The following SAMD10 variants were observed in gnomAD, a reference collection of about 807,000 sequenced individuals.
SAMD10 encodes sterile alpha motif domain containing 10.
Under a neutral mutation model 22.5 loss-of-function variants are expected in SAMD10, and 16 were observed. The ratio of observed to expected loss-of-function variants is 0.71; its 90% CI spans 0.48 to 1.08. The LOEUF (loss-of-function observed/expected upper bound fraction) is 1.08, where lower values mean the gene tolerates loss of function less well. Among genes scored for constraint, SAMD10 ranks in the 50% least tolerant of loss-of-function variants. SAMD10 has a pLI of 0.00. For synonymous variants in SAMD10, 118 were observed against 122.2 expected (o/e 0.97, Z 0.23); for missense variants, 227 against 281.3 (o/e 0.81, Z 1.38).
chr20:63,979,556 C>T lies in SAMD10; in HGVS notation c.-89G>A, dbSNP rs1197707262. On this transcript the variant is annotated 5_prime_UTR_variant, in exon 1 of 5. Coordinates refer to ENST00000369886, the MANE Select transcript of SAMD10 (RefSeq NM_080621.5). This position sits in a 1 kb window ranked among gnomAD's most constrained non-coding sequence, Gnocchi z 7.7. ...CGGCGGGGAACGCGCGCCGCCGCCC[C>T]GCCCCGCCCCAGCCGGCCCCGCGCC... 5.0e-6 allele frequency: 5 copies of T among 992,260 alleles called. No individual in the cohort carries two copies. The Admixed American group carries it at 1.9e-4, about 37-fold the overall frequency. 61.5% of individuals were successfully genotyped at this position (992,260 alleles called of 1,614,324 possible).
chr20:63,976,784 A>T, intron 3 of SAMD10, among the ~76,000 whole-genome samples, 187 bp downstream of exon 3: 1 of 151,532 alleles, frequency 6.6e-6, no homozygotes, highest in Non-Finnish European at 1.5e-5. Flanking sequence ...AAAAAAAAAA[A>T]AAAAAAAGAA....
rs2059016957 is a variant in SAMD10, at chr20:63,975,674, C to G, written c.586+18G>C. On this transcript the variant is annotated intron_variant, in intron 4 of 4. Transcript: ENST00000369886. ...CTTCTCCATCAGCCCCCAGGCCTCT[C>G]TGGCACCTCACACTGACCTTGGCTG... is the stretch of plus-strand genomic sequence containing the variant. 2 of 1,591,474 alleles carry G rather than the reference C, an allele frequency of 1.3e-6. No individual in the cohort carries two copies. Among genetic ancestry groups the G allele is most frequent in the African/African-American group, 1.4e-5 (1 of 73,956 alleles).
chr20:63,978,436 GCAGGTGAGGTT>G, intron 1 of SAMD10: 1 of 533,468 alleles, frequency 1.9e-6, no homozygotes, highest in Non-Finnish European at 3.2e-6. Context: ...CTTCAGCAGG[GCAGGTGAGGTT>G]CCCACGCTAG....
intron 3 of SAMD10, among the ~76,000 whole-genome samples, chr20:63,976,764 C>CAAAAAAAAAAAAAAAAAAAAAAAAAA (rs60461303): frequency 3.1e-5 from 2 of 63,926 alleles, no homozygotes; most frequent in African/African-American, 1.3e-4. Context: ...TCTGTCTCAC[C>CAAAAAAAAAAAAAAAAAAAAAAAAAA]AAAAAAAAAA....
rs2059012989 is a variant in SAMD10, at chr20:63,975,187, T to A, written c.*323A>T. The A allele has an allele frequency of 2.2e-6, 1 of 448,598 alleles. No individual in the cohort carries two copies. The highest frequency in any genetic ancestry group is 2.1e-5 in the African/African-American group (1 of 47,922). The allele number at this position is 448,598 out of a possible 1,614,324, so 27.8% of individuals were successfully genotyped here. ...TAAATAAACAGACTCCCTGGGAGTC[T>A]AGGGGGGACATCCAAACCGGTTCTG... On this transcript the variant is annotated 3_prime_UTR_variant, in exon 5 of 5. Transcript: ENST00000369886.
At position 63,979,323 on chromosome 20, in the gene SAMD10, G is replaced by C. The variant is rs964671737; in HGVS notation, c.91+54C>G. The C allele has an allele frequency of 5.4e-6, 7 of 1,285,078 alleles. No individual in the cohort carries two copies. The Admixed American group carries it at 1.2e-4, about 22-fold the overall frequency. 79.6% of individuals were successfully genotyped at this position (1,285,078 alleles called of 1,614,324 possible). On this transcript the variant is annotated intron_variant, in intron 1 of 4. Coordinates refer to ENST00000369886, the MANE Select transcript of SAMD10 (RefSeq NM_080621.5). This position sits in a 1 kb window ranked among gnomAD's most constrained non-coding sequence, Gnocchi z 7.7. ...TCCCGCCCCGCCCCCGTGCCTCTGG[G>C]TCCCTGAGACCCCCGCCCGAGAAAT...
intron 1 of SAMD10, chr20:63,978,223 CA>C (rs1343291262): frequency 1.1e-6 from 1 of 901,632 alleles, no homozygotes; most frequent in Non-Finnish European, 1.6e-6. Context: ...GCTTTGTCAT[CA>C]TCTCTGGGGG....
Position 63,977,033 on chromosome 20 carries a change from T to C in SAMD10, c.383A>G (p.Lys128Arg), listed in dbSNP as rs1383183843. 4 of 1,614,038 alleles carry C rather than the reference T, an allele frequency of 2.5e-6. No individual in the cohort carries two copies. The highest frequency in any genetic ancestry group is 3.4e-6 in the Non-Finnish European group (4 of 1,180,036). The change falls in exon 3 of 5, where the codon AAG becomes AGG. Residue 128 changes from lysine to arginine, a missense_variant. Physicochemically the swap from Lys to Arg is conservative, Grantham distance 26. Transcript: ENST00000369886. The surrounding 1 kb of genome is among the most constrained non-coding windows in gnomAD (Gnocchi z 5.4). ...WSQQDVCKWL[K>R]KHCPHNYLVY... is the part of the protein sequence containing the mutation. ...GAGGTAGTTGTGGGGACAGTGCTTC[T>C]TGAGCCACTTGCAGACGTCCTGCTG...
chr20:63,975,644 A>G, intron 4 of SAMD10, 48 bp downstream of exon 4: 1 of 1,575,518 alleles, frequency 6.3e-7, no homozygotes, highest in Non-Finnish European at 8.6e-7. Context: ...CCACACTCAG[A>G]GGGGCTTCTC....
At position 63,977,556 on chromosome 20, in the gene SAMD10, A is replaced by C; in HGVS notation, c.92-150T>G. 2 of 773,350 alleles carry C rather than the reference A, an allele frequency of 2.6e-6. No homozygotes were observed. The highest frequency in any genetic ancestry group is 4.2e-6 in the Non-Finnish European group (2 of 478,000). 47.9% of individuals were successfully genotyped at this position (773,350 alleles called of 1,614,324 possible). On this transcript the variant is annotated intron_variant, in intron 1 of 4. Coordinates refer to ENST00000369886, the MANE Select transcript of SAMD10 (RefSeq NM_080621.5). The surrounding 1 kb of genome is among the most constrained non-coding windows in gnomAD (Gnocchi z 5.4). ...TTCCCAAGCCTCCAAAGGCAGAAGG[A>C]AGTGTGCAGGACCTGTTTCGAGGAC...
At chr20:63,979,668 G>A, upstream of SAMD10, 1 of 985,310 alleles carries the variant, frequency 1.0e-6, no homozygotes. The surrounding 1 kb of genome is among the most constrained non-coding windows in gnomAD (Gnocchi z 7.7). Context: ...GGAGCTCCGA[G>A]GTGTGTCGGC....
chr20:63,978,555 A>T (rs1365323096), intron 1 of SAMD10, among the ~76,000 whole-genome samples: 1 of 152,122 alleles, frequency 6.6e-6, no homozygotes, highest in African/African-American at 2.4e-5. Context: ...TGTGTCTAGG[A>T]GGTCTAAGTA....
chr20:63,978,010 G>A (rs981382939), intron 1 of SAMD10, among the ~76,000 whole-genome samples: 4 of 152,236 alleles, frequency 2.6e-5, no homozygotes, highest in South Asian at 2.1e-4. Context: ...GGCTCACTCC[G>A]CAAACACGCG....
chr20:63,977,080 G>A lies in SAMD10; in HGVS notation c.336C>T (p.Thr112=). Residue 112 remains threonine, a synonymous_variant, in exon 3 of 5, where the codon ACC becomes ACT. Transcript: ENST00000369886. The surrounding 1 kb of genome is among the most constrained non-coding windows in gnomAD (Gnocchi z 5.4). ...GCTGACTCCACAGGACCACGGGCCG[G>A]GTCAGGCCACCCAGCGAGGGGCTTG... The part of the protein sequence containing the change: ...YHTSPSLGGL[T]RPVVLWSQQD... 1.9e-6 allele frequency: 3 copies of A among 1,614,146 alleles called. No homozygotes were observed. Among genetic ancestry groups the A allele is most frequent in the Non-Finnish European group, 2.5e-6 (3 of 1,180,036 alleles).
At position 63,977,241 on chromosome 20, in the gene SAMD10, C is replaced by T. The variant is rs1414853674; in HGVS notation, c.257G>A (p.Gly86Asp). The change falls in exon 2 of 5, where the codon GGC becomes GAC. Residue 86 changes from glycine to aspartate, a missense_variant. By Grantham distance (94) the Gly-to-Asp change is moderately conservative (BLOSUM62 -1). Transcript: ENST00000369886. The surrounding 1 kb of genome is among the most constrained non-coding windows in gnomAD (Gnocchi z 5.4). ...GGTGGGTACCTGGGGGGTGTCTGTG[C>T]CGGGCTGCTGCAGGAGCTTGATTGG... ...SRPIKLLQQPGTDTPQGRLYS... is the reference protein window; with the variant it reads ...SRPIKLLQQPDTDTPQGRLYS... 6.2e-7 allele frequency: 1 copy of T among 1,613,408 alleles called. No individual in the cohort carries two copies. Among genetic ancestry groups the T allele is most frequent in the South Asian group, 1.1e-5 (1 of 91,036 alleles).
At chr20:63,976,764 C>CAAAAAAAAAAAAAAAAA (rs60461303) in intron 3 of SAMD10, among the ~76,000 whole-genome samples, 14 of 63,926 alleles carry the variant, frequency 2.2e-4, no homozygotes, top group African/African-American at 8.7e-4. Flanking sequence ...TCTGTCTCAC[C>CAAAAAAAAAAAAAAAAA]AAAAAAAAAA....
At position 63,975,310 on chromosome 20, in the gene SAMD10, A is replaced by C. The variant is rs1601496916; in HGVS notation, c.*200T>G. The C allele has an allele frequency of 1.7e-5, 10 of 573,862 alleles. No individual in the cohort carries two copies. The highest frequency in any genetic ancestry group is 3.5e-5 in the Admixed American group (1 of 28,556). 35.5% of individuals were successfully genotyped at this position (573,862 alleles called of 1,614,324 possible). On this transcript the variant is annotated 3_prime_UTR_variant, in exon 5 of 5. Transcript: ENST00000369886. ...GCCACACTCAAGCAGCCCCCTACCC[A>C]CCCAGCCCCAGGGCACGACCTGGAA...
intron 1 of SAMD10, chr20:63,978,313 A>C (rs1210539823): frequency 7.8e-7 from 1 of 1,289,332 alleles, no homozygotes. Flanking sequence ...TTCATTGTCA[A>C]TGAATGAATG....
chr20:63,978,453 G>A (rs900415643), intron 1 of SAMD10: 4 of 429,966 alleles, frequency 9.3e-6, no homozygotes, highest in East Asian at 7.2e-5. Context: ...AGGTTCCCAC[G>A]CTAGGGCCCT....
Sources: gnomAD v4.1 joint callset for allele counts (sites outside exome capture counted in the v4.1 genomes callset) on GRCh38, gnomAD v4.1.1 for gene constraint, Gnocchi (gnomAD v3.1) non-coding constraint, MANE v1.5 for transcripts, NCBI Gene and HGNC (gene_info 2026-07-23, HGNC 2026-07-21) for gene names.